The following RERE variants were observed in gnomAD, a reference collection of about 807,000 sequenced individuals.
RERE encodes arginine-glutamic acid dipeptide repeats protein.
Under a neutral mutation model 146.1 loss-of-function variants are expected in RERE, and 40 were observed. That is an observed-to-expected ratio of 0.27 (90% CI 0.21 to 0.36). RERE has a LOEUF of 0.36. RERE is among the 10% of genes least tolerant of loss of function. The pLI is 1.00. For missense variants in RERE, 1,933 were observed against 2,138.7 expected, an observed-to-expected ratio of 0.90 and a Z score of 1.90; for synonymous variants, 1,003 against 866.0, an observed-to-expected ratio of 1.16 and a Z score of -2.78.
intron 1 of RERE, among the ~76,000 whole-genome samples, chr1:8,752,266 T>G (rs1195542185): frequency 6.6e-6 from 1 of 152,182 alleles, no homozygotes; most frequent in Non-Finnish European, 1.5e-5. Flanking sequence ...TGACTTTGCT[T>G]TTTATTTCTA....
intron 11 of RERE, among the ~76,000 whole-genome samples, chr1:8,454,826 AC>A (rs1644432797): frequency 6.7e-6 from 1 of 150,160 alleles, no homozygotes; most frequent in African/African-American, 2.5e-5. Flanking sequence ...CAAACAAACA[AC>A]AAAAAAAAAC....
intron 6 of RERE, among the ~76,000 whole-genome samples, chr1:8,544,848 C>CT (rs1252150775): frequency 6.6e-6 from 1 of 152,174 alleles, no homozygotes; most frequent in African/African-American, 2.4e-5. Flanking sequence ...CCCTCAAACA[C>CT]TGAGTATTGA....
chr1:8,736,352 G>A (rs1417744867), intron 1 of RERE, among the ~76,000 whole-genome samples: 4 of 151,996 alleles, frequency 2.6e-5, no homozygotes, highest in Admixed American at 6.6e-5. Flanking sequence ...GACTACAGGC[G>A]CCCGCCACCA....
chr1:8,472,414 A>G (rs984108157), intron 10 of RERE, among the ~76,000 whole-genome samples: 1 of 152,192 alleles, frequency 6.6e-6, no homozygotes, highest in Non-Finnish European at 1.5e-5. Context: ...GCTAAGGTAA[A>G]ATGTCCTTTA....
chr1:8,372,136 G>A (rs1429459456), intron 12 of RERE, among the ~76,000 whole-genome samples: 1 of 152,172 alleles, frequency 6.6e-6, no homozygotes, highest in Non-Finnish European at 1.5e-5. Context: ...GATTGTTGAA[G>A]AAGAAGGCAC....
chr1:8,733,014 G>T (rs1299334736), intron 1 of RERE, among the ~76,000 whole-genome samples: 1 of 151,458 alleles, frequency 6.6e-6, no homozygotes, highest in Non-Finnish European at 1.5e-5. Context: ...GTAGAGACGG[G>T]GTTTCACCGT....
At chr1:8,719,278 G>A (rs931070937) in intron 1 of RERE, among the ~76,000 whole-genome samples, 1 of 152,162 alleles carries the variant, frequency 6.6e-6, no homozygotes, top group Admixed American at 6.5e-5. Context: ...ACTAGGGAGA[G>A]CACAGTGGAG....
chr1:8,786,892 T>TA, intron 1 of RERE: 1 of 924,596 alleles, frequency 1.1e-6, no homozygotes, highest in Non-Finnish European at 1.8e-6. Flanking sequence ...CTTAAGGGTT[T>TA]CTGGCACAAC....
At chr1:8,743,263 G>C (rs887519979) in intron 1 of RERE, among the ~76,000 whole-genome samples, 1 of 151,794 alleles carries the variant, frequency 6.6e-6, no homozygotes, top group African/African-American at 2.4e-5. Context: ...CCAGGTACAG[G>C]GGCGCGTGCC....
intron 1 of RERE, among the ~76,000 whole-genome samples, chr1:8,786,020 G>T (rs987196403): frequency 1.3e-5 from 2 of 151,840 alleles, no homozygotes; most frequent in African/African-American, 4.8e-5. Flanking sequence ...TCACCTCCAC[G>T]ACTACCACAC....
chr1:8,785,054 T>C (rs974072984), intron 1 of RERE, among the ~76,000 whole-genome samples: 1 of 152,136 alleles, frequency 6.6e-6, no homozygotes, highest in Non-Finnish European at 1.5e-5. Flanking sequence ...CTATCCAAAG[T>C]AGGGGAGTAG....
chr1:8,388,168 T>C (rs530359627), intron 12 of RERE, among the ~76,000 whole-genome samples: 3 of 152,170 alleles, frequency 2.0e-5, no homozygotes, highest in African/African-American at 7.2e-5. Flanking sequence ...TTCAAAGACA[T>C]GCAAAACTAA....
chr1:8,567,288 A>G (rs1464815574), intron 4 of RERE, among the ~76,000 whole-genome samples: 1 of 152,196 alleles, frequency 6.6e-6, no homozygotes, highest in Non-Finnish European at 1.5e-5. Flanking sequence ...GGTCTGTGTG[A>G]AAGGATTTAA....
chr1:8,575,563 T>TTTTATATA, intron 4 of RERE, among the ~76,000 whole-genome samples: 1 of 84,788 alleles, frequency 1.2e-5, no homozygotes, highest in Middle Eastern at 4.8e-3. Flanking sequence ...ATATATATAT[T>TTTTATATA]TTTTTTTTTT....
intron 2 of RERE, among the ~76,000 whole-genome samples, chr1:8,644,452 G>A (rs1235242859): frequency 6.6e-6 from 1 of 152,116 alleles, no homozygotes; most frequent in Non-Finnish European, 1.5e-5. Flanking sequence ...GGGGAAGCCT[G>A]TAATTATGTG....
chr1:8,462,100 G>A (rs1359866015), intron 11 of RERE, among the ~76,000 whole-genome samples: 2 of 152,064 alleles, frequency 1.3e-5, no homozygotes, highest in Non-Finnish European at 2.9e-5. Flanking sequence ...TGGTTTCTGA[G>A]GCATGTAAAA....
chr1:8,478,139 G>A (rs1644778709), intron 10 of RERE, among the ~76,000 whole-genome samples: 1 of 152,172 alleles, frequency 6.6e-6, no homozygotes, highest in South Asian at 2.1e-4. Context: ...CAGAAAGACT[G>A]TATGATTTCA....
intron 1 of RERE, among the ~76,000 whole-genome samples, chr1:8,661,638 T>C (rs1363456785): frequency 6.6e-6 from 1 of 151,776 alleles, no homozygotes. Context: ...GTCAAATAAA[T>C]AGGATGTGCT....
chr1:8,784,255 T>A (rs891371523), intron 1 of RERE, among the ~76,000 whole-genome samples: 1 of 152,206 alleles, frequency 6.6e-6, no homozygotes, highest in Admixed American at 6.5e-5. Context: ...TGCTCAAACA[T>A]CATCCTCTCC....
Sources: gnomAD v4.1 joint callset for allele counts (sites outside exome capture counted in the v4.1 genomes callset) on GRCh38, gnomAD v4.1.1 for gene constraint, MANE v1.5 for transcripts, NCBI Gene and HGNC (gene_info 2026-07-23, HGNC 2026-07-21) for gene names.